ARHGEF38: variants seen among roughly 807,000 people sequenced by gnomAD.
The protein encoded by ARHGEF38 is Rho guanine nucleotide exchange factor 38.
In ARHGEF38, 79 loss-of-function variants were observed where a neutral mutation model predicts 79.9. The ratio of observed to expected loss-of-function variants is 0.99; its 90% CI spans 0.82 to 1.19. The LOEUF (loss-of-function observed/expected upper bound fraction) is 1.19. Among genes scored for constraint, ARHGEF38 ranks in the 50% most tolerant of loss-of-function variants. ARHGEF38 has a pLI of 0.00. For synonymous variants in ARHGEF38, 366 were observed against 328.3 expected (o/e 1.11, Z -1.24); for missense variants, 962 against 907.2 (o/e 1.06, Z -0.78).
At chr4:105,603,622 A>G (rs541657777) in intron 2 of ARHGEF38, among the ~76,000 whole-genome samples, 1 of 152,268 alleles carries the variant, frequency 6.6e-6, no homozygotes, top group South Asian at 2.1e-4. Flanking sequence ...GCCCCGAGGC[A>G]TCCAGAGTGT....
At chr4:105,556,941 T>A (rs963167574) in intron 1 of ARHGEF38, among the ~76,000 whole-genome samples, 1 of 152,208 alleles carries the variant, frequency 6.6e-6, no homozygotes, top group Non-Finnish European at 1.5e-5. Context: ...GCCTGTTTCA[T>A]TCCCAACTCG....
Position 105,613,423 on chromosome 4 carries a change from GAGTCCGT to G in ARHGEF38, c.425_431del (p.Glu142GlyfsTer25). 6.2e-7 allele frequency: 1 copy of G among 1,613,338 alleles called. No individual in the cohort carries two copies. Among genetic ancestry groups the G allele is most frequent in the South Asian group, 1.1e-5 (1 of 90,996 alleles). On this transcript the variant is annotated frameshift_variant, in exon 3 of 14. Coordinates refer to ENST00000420470, the MANE Select transcript of ARHGEF38 (RefSeq NM_001242729.2). LOFTEE classifies it high-confidence loss of function. The stretch of plus-strand genomic sequence containing the variant: ...TGTGGATAGCTTGTTTAGCAACATT[GAGTCCGT>G]GCATCAGATATCAGCCAAGCTGCTG...
intron 3 of ARHGEF38, among the ~76,000 whole-genome samples, chr4:105,617,872 A>T (rs61082957): frequency 0.01 from 1,581 of 152,286 alleles, 27 homozygotes; most frequent in African/African-American, 0.036. Context: ...GGAAAATCTG[A>T]CTTATGAAGA....
intron 2 of ARHGEF38, among the ~76,000 whole-genome samples, chr4:105,593,254 C>T (rs112491821): frequency 1.5e-3 from 225 of 152,164 alleles, no homozygotes; most frequent in African/African-American, 5.3e-3. Flanking sequence ...GTAAAAAACA[C>T]GCCCAGTTGC....
At position 105,614,964 on chromosome 4, in the gene ARHGEF38, C is replaced by T. The variant is rs79784774; in HGVS notation, c.508+1457C>T. On this transcript the variant is annotated intron_variant, in intron 3 of 13. Transcript: ENST00000420470. Reference sequence around the variant, plus strand: ...TGCAAACCTTGGAGGATAAAGAAAACATTTCTAGATGGAAACTCCAAGGAT... The same window carrying T: ...TGCAAACCTTGGAGGATAAAGAAAATATTTCTAGATGGAAACTCCAAGGAT... Among the ~76,000 whole-genome samples the T allele has an allele frequency of 7.0e-3, 1,069 of 152,194 alleles. 17 individuals are homozygous for T. The highest frequency in any genetic ancestry group is 0.025 in the African/African-American group (1,035 of 41,518).
At chr4:105,578,651 T>C (rs1274448989) in intron 1 of ARHGEF38, among the ~76,000 whole-genome samples, 1 of 152,204 alleles carries the variant, frequency 6.6e-6, no homozygotes, top group Admixed American at 6.5e-5. Flanking sequence ...ATTATCCTTT[T>C]ATCATTATAA....
intron 1 of ARHGEF38, among the ~76,000 whole-genome samples, chr4:105,572,841 C>T (rs777745248): frequency 2.0e-5 from 3 of 152,132 alleles, no homozygotes; most frequent in Non-Finnish European, 2.9e-5. Context: ...TAATGCAATC[C>T]TACCAACAAT....
At chr4:105,562,998 A>T (rs994511961) in intron 1 of ARHGEF38, among the ~76,000 whole-genome samples, 2 of 152,146 alleles carry the variant, frequency 1.3e-5, no homozygotes, top group East Asian at 3.8e-4. Flanking sequence ...GGGCCCTTGT[A>T]TCACACTTTA....
chr4:105,611,207 T>C (rs551698071), intron 2 of ARHGEF38, among the ~76,000 whole-genome samples: 1 of 152,210 alleles, frequency 6.6e-6, no homozygotes, highest in South Asian at 2.1e-4. Context: ...ATAACAGGGA[T>C]ACACTGTATG....
intron 2 of ARHGEF38, among the ~76,000 whole-genome samples, chr4:105,595,953 A>C (rs1365815412): frequency 6.6e-6 from 1 of 152,198 alleles, no homozygotes; most frequent in Admixed American, 6.5e-5. Context: ...TTTTCCCCTG[A>C]TGACAACTAT....
At chr4:105,674,039 A>G (rs1731041887) in intron 13 of ARHGEF38, among the ~76,000 whole-genome samples, 1 of 152,150 alleles carries the variant, frequency 6.6e-6, no homozygotes, top group South Asian at 2.1e-4. Flanking sequence ...TAATTGGAGA[A>G]TTGGGATAAA....
At chr4:105,560,388 A>C (rs1201568229) in intron 1 of ARHGEF38, among the ~76,000 whole-genome samples, 2 of 152,154 alleles carry the variant, frequency 1.3e-5, no homozygotes, top group East Asian at 3.9e-4. Flanking sequence ...ATTTATTTGC[A>C]TCTCAATAAA....
chr4:105,566,870 C>T (rs1725945932), intron 1 of ARHGEF38, among the ~76,000 whole-genome samples: 3 of 152,022 alleles, frequency 2.0e-5, no homozygotes, highest in Admixed American at 6.6e-5. Context: ...TCTCCTGCCT[C>T]AGCCTCCCGA....
chr4:105,605,606 T>C (rs1728004701), intron 2 of ARHGEF38, among the ~76,000 whole-genome samples: 1 of 152,172 alleles, frequency 6.6e-6, no homozygotes. Context: ...ATAGTTTGAC[T>C]CAATTAGCCA....
intron 9 of ARHGEF38, among the ~76,000 whole-genome samples, 170 bp downstream of exon 9, chr4:105,655,892 A>G (rs1165295690): frequency 6.6e-6 from 1 of 152,166 alleles, no homozygotes; most frequent in Non-Finnish European, 1.5e-5. Flanking sequence ...AATATTTTTA[A>G]AGTGGATTAG....
chr4:105,653,946 A>G (rs1179509536), intron 7 of ARHGEF38, 119 bp from the exon 8 acceptor site: 4 of 459,498 alleles, frequency 8.7e-6, no homozygotes, highest in Non-Finnish European at 1.5e-5. Flanking sequence ...CATGTCATCA[A>G]ATGTTTTCAT....
At chr4:105,603,936 A>G (rs2110479154) in intron 2 of ARHGEF38, among the ~76,000 whole-genome samples, 1 of 152,308 alleles carries the variant, frequency 6.6e-6, no homozygotes, top group African/African-American at 2.4e-5. Flanking sequence ...TAGCTAAGAA[A>G]TTGATGCCTC....
At chr4:105,589,965 G>A (rs111464531) in intron 2 of ARHGEF38, among the ~76,000 whole-genome samples, 7,459 of 151,712 alleles carry the variant, frequency 0.049, 225 homozygotes, top group Middle Eastern at 0.14. Context: ...CTTGAACCCG[G>A]GAGACAGAGG....
intron 1 of ARHGEF38, among the ~76,000 whole-genome samples, chr4:105,561,429 A>AATGGAATGGAATG (rs1560684337): frequency 7.6e-4 from 36 of 47,090 alleles, no homozygotes; most frequent in Admixed American, 1.0e-3. Context: ...AGAATGGAAT[A>AATGGAATGGAATG]GAATAGAATA....
Sources: gnomAD v4.1 joint callset for allele counts (sites outside exome capture counted in the v4.1 genomes callset) on GRCh38, gnomAD v4.1.1 for gene constraint, MANE v1.5 for transcripts, NCBI Gene and HGNC (gene_info 2026-07-23, HGNC 2026-07-21) for gene names.